TMEM108: variants seen among roughly 807,000 people sequenced by gnomAD.
The protein encoded by TMEM108 is transmembrane protein 108.
In TMEM108, 12 loss-of-function variants were observed where a neutral mutation model predicts 35.1. That is an observed-to-expected ratio of 0.34 (90% CI 0.22 to 0.55). TMEM108 has a LOEUF of 0.55. Ranked by LOEUF, TMEM108 falls within the 20% of genes least tolerant of loss-of-function variation. TMEM108 has a pLI of 0.89. For missense variants in TMEM108, 680 were observed against 753.3 expected, an observed-to-expected ratio of 0.90 and a Z score of 1.14; for synonymous variants, 287 against 308.6, an observed-to-expected ratio of 0.93 and a Z score of 0.73.
chr3:133,128,622 C>T (rs1168897495), intron 2 of TMEM108, among the ~76,000 whole-genome samples: 1 of 152,134 alleles, frequency 6.6e-6, no homozygotes, highest in African/African-American at 2.4e-5. Flanking sequence ...TTGTTCTTGG[C>T]CTCACTTCTC....
At chr3:133,315,100 A>T (rs1245120245) in intron 3 of TMEM108, among the ~76,000 whole-genome samples, 1 of 152,224 alleles carries the variant, frequency 6.6e-6, no homozygotes, top group Non-Finnish European at 1.5e-5. Context: ...TAAAGATAAC[A>T]TCGATCAAGT....
intron 2 of TMEM108, 36 bp from the exon 3 acceptor site, chr3:133,229,230 C>T: frequency 2.9e-6 from 4 of 1,371,680 alleles, no homozygotes; most frequent in South Asian, 2.5e-5. Context: ...AATTATGTTC[C>T]TCAGATGTAA....
At chr3:133,055,793 G>A (rs1943458963) in intron 2 of TMEM108, among the ~76,000 whole-genome samples, 1 of 152,164 alleles carries the variant, frequency 6.6e-6, no homozygotes, top group Non-Finnish European at 1.5e-5. Flanking sequence ...TCACAGACAA[G>A]GAAGAAGGCA....
chr3:133,343,250 CTAAT>C (rs1033012177), intron 3 of TMEM108, among the ~76,000 whole-genome samples: 33 of 151,892 alleles, frequency 2.2e-4, no homozygotes, highest in Admixed American at 2.1e-3. Context: ...AACAGGAACT[CTAAT>C]TAATTGAGGA....
intron 2 of TMEM108, among the ~76,000 whole-genome samples, chr3:133,151,957 C>A (rs781780855): frequency 1.3e-5 from 2 of 152,066 alleles, no homozygotes; most frequent in Non-Finnish European, 2.9e-5. Flanking sequence ...ATGGTTGATG[C>A]CAACCAGAGT....
intron 3 of TMEM108, among the ~76,000 whole-genome samples, chr3:133,376,050 A>C (rs990623775): frequency 6.6e-5 from 10 of 152,234 alleles, no homozygotes; most frequent in African/African-American, 1.9e-4. Flanking sequence ...TAGAGAGAAC[A>C]ATAACTTCAG....
intron 2 of TMEM108, among the ~76,000 whole-genome samples, chr3:133,205,952 G>T (rs887273028): frequency 6.6e-6 from 1 of 152,136 alleles, no homozygotes; most frequent in Non-Finnish European, 1.5e-5. Context: ...ATATAGGTTG[G>T]TGTTTTCACA....
At chr3:133,306,353 A>C (rs913152127) in intron 3 of TMEM108, among the ~76,000 whole-genome samples, 1 of 152,000 alleles carries the variant, frequency 6.6e-6, no homozygotes, top group Non-Finnish European at 1.5e-5. Context: ...TTGGTTGAAA[A>C]GACTTTTCCC....
intron 3 of TMEM108, among the ~76,000 whole-genome samples, chr3:133,363,469 T>C (rs2072416119): frequency 6.6e-6 from 1 of 151,874 alleles, no homozygotes; most frequent in Admixed American, 6.6e-5. Context: ...TGAAGTGCAG[T>C]AGCGTGATCA....
chr3:133,309,107 G>A (rs926491332), intron 3 of TMEM108, among the ~76,000 whole-genome samples: 3 of 152,258 alleles, frequency 2.0e-5, no homozygotes. Context: ...TATGTATCCA[G>A]GAATTTATCC....
intron 3 of TMEM108, among the ~76,000 whole-genome samples, chr3:133,367,571 T>C (rs564104412): frequency 6.6e-6 from 1 of 152,350 alleles, no homozygotes; most frequent in African/African-American, 2.4e-5. Flanking sequence ...CCAGGCAAAC[T>C]GGAGCCGGCA....
At chr3:133,176,620 G>A (rs1202898832) in intron 2 of TMEM108, among the ~76,000 whole-genome samples, 8 of 152,086 alleles carry the variant, frequency 5.3e-5, no homozygotes, top group Admixed American at 1.3e-4. Context: ...TGAAACCAAC[G>A]AGAACAAAGA....
rs1451325669 is a variant in TMEM108, at chr3:133,162,963, T to G, written c.-46-66303T>G. On this transcript the variant is annotated intron_variant, in intron 2 of 5. Transcript: ENST00000321871. ...AGGTAACATGGACATAATAGTAACA[T>G]CTGGGGCTGGGGTTTTCTCCCACCC... is the stretch of plus-strand genomic sequence containing the variant. Among the ~76,000 whole-genome samples, 4 of 152,202 alleles carry G rather than the reference T, an allele frequency of 2.6e-5. No individual in the cohort carries two copies. In the East Asian group the frequency reaches 7.7e-4, roughly 29 times the overall value.
chr3:133,098,301 A>G (rs1944042424), intron 2 of TMEM108, among the ~76,000 whole-genome samples: 1 of 152,158 alleles, frequency 6.6e-6, no homozygotes, highest in Non-Finnish European at 1.5e-5. Flanking sequence ...CTGTCATGAG[A>G]ATAATTCAAG....
At chr3:133,394,816 C>T in intron 5 of TMEM108, among the ~76,000 whole-genome samples, 1 of 134,652 alleles carries the variant, frequency 7.4e-6, no homozygotes, top group East Asian at 2.4e-4. Context: ...ATGATTCATA[C>T]AGCAGTAAGT....
rs896462376 is a variant in TMEM108 at position 133,145,809 on chromosome 3, T to G, written c.-46-83457T>G. On this transcript the variant is annotated intron_variant, in intron 2 of 5. Coordinates refer to ENST00000321871, the MANE Select transcript of TMEM108 (RefSeq NM_023943.4). ...AGGAATGCTTGTGATTTTTGCACACTGATTTTGTACCTTGAGACTTTGCTG... is the reference window on the plus strand; with the variant it reads ...AGGAATGCTTGTGATTTTTGCACACGGATTTTGTACCTTGAGACTTTGCTG... Among the ~76,000 whole-genome samples the G allele has an allele frequency of 2.6e-5, 4 of 152,350 alleles. 1 individual carries two copies. Among genetic ancestry groups the G allele is most frequent in the Non-Finnish European group, 5.9e-5 (4 of 68,016 alleles).
At chr3:133,367,474 C>T (rs2072534822) in intron 3 of TMEM108, among the ~76,000 whole-genome samples, 1 of 152,258 alleles carries the variant, frequency 6.6e-6, no homozygotes, top group African/African-American at 2.4e-5. Flanking sequence ...ACTCAAATTA[C>T]ACCTTGGGGT....
At chr3:133,044,200 T>C (rs931177031) in intron 1 of TMEM108, among the ~76,000 whole-genome samples, 2 of 152,252 alleles carry the variant, frequency 1.3e-5, no homozygotes, top group Non-Finnish European at 2.9e-5. Context: ...AATTATGTTA[T>C]GTAATGTCAA....
At chr3:133,226,884 C>A (rs1161646262) in intron 2 of TMEM108, among the ~76,000 whole-genome samples, 1 of 152,080 alleles carries the variant, frequency 6.6e-6, no homozygotes, top group Non-Finnish European at 1.5e-5. Context: ...GCTGGGGAGG[C>A]CTCACAATCA....
Sources: gnomAD v4.1 joint callset for allele counts (sites outside exome capture counted in the v4.1 genomes callset) on GRCh38, gnomAD v4.1.1 for gene constraint, MANE v1.5 for transcripts, NCBI Gene and HGNC (gene_info 2026-07-23, HGNC 2026-07-21) for gene names.